Variants in ASAP2 observed in about 807,000 individuals in gnomAD.
The protein encoded by ASAP2 is ArfGAP with SH3 domain, ankyrin repeat and PH domain 2, also known as arf-GAP with SH3 domain, ANK repeat and PH domain-containing protein 2.
In ASAP2, 45 loss-of-function variants were observed where a neutral mutation model predicts 131.4. The ratio of observed to expected loss-of-function variants is 0.34; its 90% CI spans 0.27 to 0.44. The LOEUF is 0.44. Among genes scored for constraint, ASAP2 ranks in the 20% least tolerant of loss-of-function variants. The pLI is 1.00. For missense variants in ASAP2, 1,011 were observed against 1,297.0 expected, an observed-to-expected ratio of 0.78 and a Z score of 3.39; for synonymous variants, 510 against 503.0, an observed-to-expected ratio of 1.01 and a Z score of -0.19.
At chr2:9,258,332 GTTGTTTTTT>G (rs1665315789) in intron 1 of ASAP2, among the ~76,000 whole-genome samples, 1 of 112,546 alleles carries the variant, frequency 8.9e-6, no homozygotes, top group African/African-American at 3.8e-5. Flanking sequence ...GTAATCAGTA[GTTGTTTTTT>G]TTTTTTTTTT....
chr2:9,353,448 T>G (rs1272236699), intron 12 of ASAP2, among the ~76,000 whole-genome samples: 1 of 152,094 alleles, frequency 6.6e-6, no homozygotes, highest in Non-Finnish European at 1.5e-5. Context: ...TCCCAGCTAC[T>G]CAGGGAGCTG....
intron 1 of ASAP2, among the ~76,000 whole-genome samples, chr2:9,254,226 A>T (rs1189805945): frequency 1.8e-3 from 127 of 72,266 alleles, no homozygotes; most frequent in Non-Finnish European, 2.2e-3. Flanking sequence ...AAAAAAAAAA[A>T]AAAAAAAAAA....
intron 1 of ASAP2, among the ~76,000 whole-genome samples, chr2:9,216,525 A>G (rs1421025722): frequency 1.5e-5 from 2 of 135,304 alleles, no homozygotes; most frequent in Non-Finnish European, 3.0e-5. Flanking sequence ...CAGTGGTGCC[A>G]TCTCAGCTCA....
intron 12 of ASAP2, among the ~76,000 whole-genome samples, chr2:9,355,090 C>T (rs1444145728): frequency 6.6e-6 from 1 of 152,170 alleles, no homozygotes; most frequent in African/African-American, 2.4e-5. Context: ...TCCAGTAGTC[C>T]GTGGTACATG....
chr2:9,262,366 C>T (rs1254440652), intron 1 of ASAP2, among the ~76,000 whole-genome samples: 1 of 152,134 alleles, frequency 6.6e-6, no homozygotes, highest in African/African-American at 2.4e-5. Context: ...CACCTAGCCT[C>T]TCCGAGAACT....
intron 1 of ASAP2, among the ~76,000 whole-genome samples, chr2:9,243,794 T>G (rs1378753542): frequency 6.6e-6 from 1 of 152,196 alleles, no homozygotes; most frequent in Non-Finnish European, 1.5e-5. Context: ...TTGCTGAGGA[T>G]TCTAAATATG....
At chr2:9,210,464 G>A (rs1007485673) in intron 1 of ASAP2, among the ~76,000 whole-genome samples, 2 of 152,194 alleles carry the variant, frequency 1.3e-5, no homozygotes, top group African/African-American at 4.8e-5. Flanking sequence ...CTTTTGGAGT[G>A]AGGATGGGAT....
intron 2 of ASAP2, among the ~76,000 whole-genome samples, chr2:9,296,687 AG>A (rs1668173393): frequency 6.6e-6 from 1 of 152,250 alleles, no homozygotes; most frequent in African/African-American, 2.4e-5. Flanking sequence ...GCTGAGTGCA[AG>A]GATAGGAGAG....
chr2:9,393,425 G>A (rs1014620986), intron 23 of ASAP2, 57 bp from the exon 24 acceptor site: 41 of 1,471,024 alleles, frequency 2.8e-5, no homozygotes, highest in Non-Finnish European at 3.8e-5. Context: ...CAGTGAGGAG[G>A]CCTGAGTGGG....
intron 21 of ASAP2, among the ~76,000 whole-genome samples, chr2:9,385,842 CA>C (rs1242217356): frequency 6.6e-6 from 1 of 152,220 alleles, no homozygotes; most frequent in Non-Finnish European, 1.5e-5. Context: ...TTGACTTGGC[CA>C]AAGTGAAGCA....
chr2:9,278,631 G>A (rs1211169044), intron 1 of ASAP2, among the ~76,000 whole-genome samples: 1 of 152,140 alleles, frequency 6.6e-6, no homozygotes, highest in Non-Finnish European at 1.5e-5. Flanking sequence ...CTGTTTGAGC[G>A]CCTCCTATGT....
chr2:9,370,087 C>T (rs1249554315), intron 16 of ASAP2, among the ~76,000 whole-genome samples: 1 of 152,126 alleles, frequency 6.6e-6, no homozygotes, highest in Non-Finnish European at 1.5e-5. Context: ...ATCTGCCCAC[C>T]TTGGCCTCCC....
rs1477542072 is a variant in ASAP2 at position 9,400,063 on chromosome 2, A to G, written c.2725A>G (p.Arg909Gly). The change falls in exon 25 of 28, where the codon AGA becomes GGA. Residue 909 changes from arginine to glycine, a missense_variant. Transcript: ENST00000281419. ...CCCACTGACCAACAAAGGCCAACCGAGAGGACCTGGTAATTATTTAATTTG... is the reference window on the plus strand; with the variant it reads ...CCCACTGACCAACAAAGGCCAACCGGGAGGACCTGGTAATTATTTAATTTG... ...STPLTNKGQP[R>G]GPVDLSATEA... 1.2e-6 allele frequency: 2 copies of G among 1,613,190 alleles called. No individual in the cohort carries two copies. The highest frequency in any genetic ancestry group is 1.7e-6 in the Non-Finnish European group (2 of 1,179,700).
intron 1 of ASAP2, among the ~76,000 whole-genome samples, chr2:9,216,984 CATTT>C (rs1205034049): frequency 1.3e-5 from 2 of 152,156 alleles, no homozygotes; most frequent in African/African-American, 2.4e-5. Flanking sequence ...ATTATTAACT[CATTT>C]AGTTATTATC....
rs1025170318 is a variant in ASAP2 at position 9,207,914 on chromosome 2, G to T, written c.126+684G>T. On this transcript the variant is annotated intron_variant, in intron 1 of 27. Transcript: ENST00000281419. This position sits in a 1 kb window ranked among gnomAD's most constrained non-coding sequence, Gnocchi z 4.1. ...GCCCTTCCCCCTCAACCTGGAAAAG[G>T]CCTGGTTTTAGTAAAGTGCTCTCAA... is the stretch of plus-strand genomic sequence containing the variant. Among the ~76,000 whole-genome samples the T allele has an allele frequency of 4.6e-5, 7 of 152,206 alleles. No individual in the cohort carries two copies. The highest frequency in any genetic ancestry group is 1.0e-4 in the Non-Finnish European group (7 of 68,042).
At chr2:9,290,782 A>G (rs1667761516) in intron 2 of ASAP2, among the ~76,000 whole-genome samples, 1 of 152,196 alleles carries the variant, frequency 6.6e-6, no homozygotes, top group Non-Finnish European at 1.5e-5. Context: ...TCTGCCTCTT[A>G]GAAGTTGCAG....
chr2:9,323,885 T>C (rs1405078776), intron 6 of ASAP2, among the ~76,000 whole-genome samples: 1 of 152,220 alleles, frequency 6.6e-6, no homozygotes, highest in Non-Finnish European at 1.5e-5. Context: ...GACCATGGAT[T>C]ATGAAGGCCT....
At chr2:9,235,613 G>A (rs542242561) in intron 1 of ASAP2, among the ~76,000 whole-genome samples, 102 of 152,220 alleles carry the variant, frequency 6.7e-4, no homozygotes, top group African/African-American at 2.4e-3. Context: ...CTGGAGCTGG[G>A]GCACGTGAGC....
At chr2:9,260,641 G>A (rs932752991) in intron 1 of ASAP2, among the ~76,000 whole-genome samples, 1 of 152,104 alleles carries the variant, frequency 6.6e-6, no homozygotes, top group Non-Finnish European at 1.5e-5. Flanking sequence ...AATCCTGGTG[G>A]TTCCTTCCTG....
Sources: gnomAD v4.1 joint callset for allele counts (sites outside exome capture counted in the v4.1 genomes callset) on GRCh38, gnomAD v4.1.1 for gene constraint, Gnocchi (gnomAD v3.1) non-coding constraint, MANE v1.5 for transcripts, NCBI Gene and HGNC (gene_info 2026-07-23, HGNC 2026-07-21) for gene names.